GFM2: variants seen among roughly 807,000 people sequenced by gnomAD.
GFM2 encodes GTP dependent ribosome recycling factor mitochondrial 2, also known as ribosome-releasing factor 2, mitochondrial.
Under a neutral mutation model 95.4 loss-of-function variants are expected in GFM2, and 72 were observed. The ratio of observed to expected loss-of-function variants is 0.76; its 90% confidence interval spans 0.62 to 0.92. The LOEUF (loss-of-function observed/expected upper bound fraction) is 0.92. Among genes scored for constraint, GFM2 ranks in the 40% least tolerant of loss-of-function variants. The pLI is 0.00. For missense variants in GFM2, 825 were observed against 924.1 expected (o/e 0.89, Z 1.39); for synonymous variants, 276 against 317.5 (o/e 0.87, Z 1.39).
chr5:74,722,227 C>CGTTA, intron 20 of GFM2, 152 bp downstream of exon 20: 1 of 671,382 alleles, frequency 1.5e-6, no homozygotes, highest in Non-Finnish European at 2.5e-6. Flanking sequence ...ATTCAAAGTC[C>CGTTA]TAACCATTCC....
At chr5:74,760,652 C>A (rs1204349209) in intron 3 of GFM2, among the ~76,000 whole-genome samples, 5 of 152,162 alleles carry the variant, frequency 3.3e-5, no homozygotes, top group African/African-American at 1.2e-4. Flanking sequence ...AACTTGCAAA[C>A]TAGCTACTAA....
chr5:74,750,302 A>G (rs1743628072), intron 7 of GFM2, among the ~76,000 whole-genome samples: 1 of 152,244 alleles, frequency 6.6e-6, no homozygotes, highest in African/African-American at 2.4e-5. Context: ...GCCAGAATCC[A>G]TTAAACTATG....
chr5:74,739,896 C>T, intron 12 of GFM2, 93 bp downstream of exon 12: 10 of 927,056 alleles, frequency 1.1e-5, no homozygotes, highest in Non-Finnish European at 1.6e-5. Context: ...CACTATTATT[C>T]AAAAATGGTG....
At chr5:74,759,011 C>T in intron 4 of GFM2, 65 bp from the exon 5 acceptor site, 1 of 931,736 alleles carries the variant, frequency 1.1e-6, no homozygotes, top group East Asian at 2.4e-5. Flanking sequence ...TATATGCTAT[C>T]CAAATTTCAA....
At chr5:74,723,316 T>C (rs1191873719) in intron 19 of GFM2, among the ~76,000 whole-genome samples, 1 of 152,232 alleles carries the variant, frequency 6.6e-6, no homozygotes, top group Non-Finnish European at 1.5e-5. Flanking sequence ...TCCATTGGCC[T>C]GCTTTGGGAT....
chr5:74,763,710 A>G lies in GFM2; in HGVS notation c.33T>C (p.Ser11=). The change falls in exon 2 of 21, where the codon AGT becomes AGC. Residue 11 remains serine (S), a synonymous_variant. Transcript: ENST00000296805. MLTNLRIFAM[S]HQTIPSVYIN... Reference sequence around the variant, plus strand: ...TATACACACTGGGTATTGTCTGATGACTCATTGCAAATATCCTCAAGTTGG... The same window carrying G: ...TATACACACTGGGTATTGTCTGATGGCTCATTGCAAATATCCTCAAGTTGG... 1 of 1,602,344 alleles carries G rather than the reference A, an allele frequency of 6.2e-7. No individual in the cohort carries two copies. Among genetic ancestry groups the G allele is most frequent in the East Asian group, 2.2e-5 (1 of 44,702 alleles).
At chr5:74,752,893 A>G (rs1344558841) in intron 5 of GFM2, among the ~76,000 whole-genome samples, 1 of 152,198 alleles carries the variant, frequency 6.6e-6, no homozygotes, top group Non-Finnish European at 1.5e-5. Flanking sequence ...CCGTGAAACA[A>G]AAGAATCTGA....
chr5:74,743,765 G>A lies in GFM2; in HGVS notation c.849+1913C>T, dbSNP rs182930908. Among the ~76,000 whole-genome samples the A allele has an allele frequency of 1.6e-3, 236 of 152,226 alleles. 1 individual carries two copies. The highest frequency in any genetic ancestry group is 4.1e-3 in the Admixed American group (63 of 15,292). On this transcript the variant is annotated intron_variant, in intron 10 of 20. Transcript: ENST00000296805. The stretch of plus-strand genomic sequence containing the variant: ...AATTAAAAAAGCAGTATAACAAAGC[G>A]GGTAAGAGCTTTAGCTCTAAACAGA...
At chr5:74,761,603 A>AGGAACTGGG (rs1269423645) in intron 2 of GFM2, among the ~76,000 whole-genome samples, 1 of 152,152 alleles carries the variant, frequency 6.6e-6, no homozygotes, top group East Asian at 1.9e-4. Context: ...TGAGAACTGG[A>AGGAACTGGG]GGAACTGGGC....
At chr5:74,746,786 A>G (rs556181924) in intron 8 of GFM2, among the ~76,000 whole-genome samples, 3 of 152,178 alleles carry the variant, frequency 2.0e-5, no homozygotes, top group African/African-American at 4.8e-5. Flanking sequence ...CTGCCTGACA[A>G]TAAATAAGTA....
intron 5 of GFM2, among the ~76,000 whole-genome samples, chr5:74,752,043 C>T (rs958211003): frequency 5.3e-5 from 8 of 152,078 alleles, no homozygotes; most frequent in Non-Finnish European, 8.8e-5. Context: ...GATAGCCACA[C>T]GGAATGAGGT....
At chr5:74,741,023 CTG>C (rs1305477577) in intron 11 of GFM2, among the ~76,000 whole-genome samples, 31 of 152,290 alleles carry the variant, frequency 2.0e-4, no homozygotes, top group African/African-American at 7.5e-4. Flanking sequence ...TTCAAGAAAT[CTG>C]TCATAATTCA....
chr5:74,721,461 C>A lies in GFM2; in HGVS notation c.*194G>T. On this transcript the variant is annotated 3_prime_UTR_variant, in exon 21 of 21. Coordinates refer to ENST00000296805, the MANE Select transcript of GFM2 (RefSeq NM_032380.5). ...GGTACAGTGGCTTTAAACATCAAAG[C>A]ACATTTCTCATTATATAAATTAAAA... The A allele has an allele frequency of 1.4e-6, 1 of 712,696 alleles. No homozygotes were observed. The highest frequency in any genetic ancestry group is 2.4e-6 in the Non-Finnish European group (1 of 410,876). 44.1% of individuals were successfully genotyped at this position (712,696 alleles called of 1,614,324 possible).
At chr5:74,760,847 G>A in intron 3 of GFM2, 55 bp downstream of exon 3, 1 of 1,118,432 alleles carries the variant, frequency 8.9e-7, no homozygotes, top group Non-Finnish European at 1.3e-6. Flanking sequence ...ACAAGAGAGA[G>A]AAAAGAGATA....
At chr5:74,723,800 A>C (rs535582344) in intron 19 of GFM2, among the ~76,000 whole-genome samples, 28 of 152,248 alleles carry the variant, frequency 1.8e-4, no homozygotes, top group African/African-American at 5.8e-4. Flanking sequence ...AAATCATCTC[A>C]GCTCAAATAT....
chr5:74,738,330 A>G lies in GFM2; in HGVS notation c.1308T>C (p.Val436=), dbSNP rs529758134. The G allele has an allele frequency of 3.7e-6, 6 of 1,612,436 alleles. No homozygotes were observed. The highest frequency in any genetic ancestry group is 5.1e-6 in the Non-Finnish European group (6 of 1,179,114). ...TTTGGTCACTTACATGTTTAAGCCCAACAGTCAAAGCAATGTTACCAGCAG... is the reference window on the plus strand; with the variant it reads ...TTTGGTCACTTACATGTTTAAGCCCGACAGTCAAAGCAATGTTACCAGCAG... The part of the protein sequence containing the change: ...SLTAGNIALT[V]GLKHTATGDT... The change falls in exon 14 of 21, where the codon GTT becomes GTC. Residue 436 remains valine (V), a synonymous_variant. Transcript: ENST00000296805.
intron 5 of GFM2, among the ~76,000 whole-genome samples, chr5:74,753,434 C>T (rs1357588825): frequency 6.6e-6 from 1 of 151,914 alleles, no homozygotes; most frequent in Non-Finnish European, 1.5e-5. Flanking sequence ...CTTGTCTCTA[C>T]AAAAATACAA....
chr5:74,721,255 C>CTGTT lies in GFM2; in HGVS notation c.*396_*399dup, dbSNP rs1354475168. 6 of 1,122,640 alleles carry CTGTT rather than the reference C, an allele frequency of 5.3e-6. No homozygotes were observed. The highest frequency in any genetic ancestry group is 2.4e-5 in the East Asian group (1 of 40,942). 69.5% of individuals were successfully genotyped at this position (1,122,640 alleles called of 1,614,324 possible). On this transcript the variant is annotated 3_prime_UTR_variant, in exon 21 of 21. Transcript: ENST00000296805. The stretch of plus-strand genomic sequence containing the variant: ...AAATCATGTAAAATAAGATATTAGA[C>CTGTT]TGTTTTTTGAATAAAATATTTTTAT...
intron 12 of GFM2, 116 bp from the exon 13 acceptor site, chr5:74,738,758 CTAAA>C (rs1327765860): frequency 1.1e-6 from 1 of 878,834 alleles, no homozygotes; most frequent in African/African-American, 1.7e-5. Flanking sequence ...CTTAGAGCCA[CTAAA>C]TAATGTCTTT....
Sources: allele counts gnomAD v4.1 joint callset (sites outside exome capture counted in the v4.1 genomes callset), GRCh38; gene constraint gnomAD v4.1.1; transcripts MANE v1.5; gene names NCBI Gene and HGNC (gene_info 2026-07-23, HGNC 2026-07-21).